CNBD1: variants seen among roughly 807,000 people sequenced by gnomAD.
CNBD1 encodes the protein cyclic nucleotide binding domain containing 1, also known as cyclic nucleotide-binding domain-containing protein 1.
In CNBD1, 71 loss-of-function variants were observed where a neutral mutation model predicts 54.4. The ratio of observed to expected loss-of-function variants is 1.30; its 90% CI spans 1.08 to 1.59. The LOEUF (loss-of-function observed/expected upper bound fraction) is 1.59, where lower values mean the gene tolerates loss of function less well. Among genes scored for constraint, CNBD1 ranks in the 40% most tolerant of loss-of-function variants. The pLI is 0.00. For synonymous variants in CNBD1, 182 were observed against 170.7 expected (o/e 1.07, Z -0.51); for missense variants, 659 against 518.0 (o/e 1.27, Z -2.64).
intron 5 of CNBD1, among the ~76,000 whole-genome samples, chr8:87,233,762 GC>G (rs1384933077): frequency 6.6e-6 from 1 of 152,092 alleles, no homozygotes; most frequent in Non-Finnish European, 1.5e-5. Flanking sequence ...ACAACACCAT[GC>G]CCAGTTTGGC....
intron 4 of CNBD1, among the ~76,000 whole-genome samples, chr8:87,000,384 T>G (rs936386018): frequency 6.6e-6 from 1 of 152,186 alleles, no homozygotes; most frequent in African/African-American, 2.4e-5. Context: ...TAAACCTATT[T>G]TCTTTATAAA....
intron 3 of CNBD1, among the ~76,000 whole-genome samples, chr8:86,924,048 A>G (rs922781603): frequency 6.6e-6 from 1 of 152,178 alleles, no homozygotes; most frequent in African/African-American, 2.4e-5. Context: ...CAAAGTTTGT[A>G]AATTTCAGGT....
intron 4 of CNBD1, among the ~76,000 whole-genome samples, chr8:87,148,923 C>CAAAAAAACA (rs1241364221): frequency 2.6e-5 from 4 of 152,140 alleles, no homozygotes; most frequent in Admixed American, 1.3e-4. Context: ...AAACAAAAAA[C>CAAAAAAACA]TCAGGCAATC....
At chr8:87,059,029 C>T (rs1172416863) in intron 4 of CNBD1, among the ~76,000 whole-genome samples, 5 of 152,156 alleles carry the variant, frequency 3.3e-5, no homozygotes, top group African/African-American at 1.2e-4. Context: ...TCATCTCTCT[C>T]AAGCTCAATG....
At chr8:87,296,378 GT>G (rs1228938276) in intron 8 of CNBD1, among the ~76,000 whole-genome samples, 1 of 152,118 alleles carries the variant, frequency 6.6e-6, no homozygotes, top group Non-Finnish European at 1.5e-5. Flanking sequence ...GAAGTAGTCA[GT>G]TAGGTATGTA....
At chr8:87,184,100 G>A (rs565582941) in intron 4 of CNBD1, among the ~76,000 whole-genome samples, 9 of 152,322 alleles carry the variant, frequency 5.9e-5, no homozygotes, top group Admixed American at 3.3e-4. Context: ...GGGGCTGCAC[G>A]CATGTGCTCA....
intron 6 of CNBD1, among the ~76,000 whole-genome samples, chr8:87,271,701 T>A (rs1386323625): frequency 6.6e-6 from 1 of 152,012 alleles, no homozygotes; most frequent in Non-Finnish European, 1.5e-5. Context: ...GTATAGAGGT[T>A]CCTCAGATAA....
At chr8:87,369,145 T>A (rs769866557) in intron 10 of CNBD1, among the ~76,000 whole-genome samples, 1 of 152,054 alleles carries the variant, frequency 6.6e-6, no homozygotes, top group Non-Finnish European at 1.5e-5. Flanking sequence ...TTGGCTAGAT[T>A]TTTGGCTAAA....
chr8:87,250,890 G>A (rs1245419141), intron 6 of CNBD1, among the ~76,000 whole-genome samples: 1 of 152,104 alleles, frequency 6.6e-6, no homozygotes, highest in Non-Finnish European at 1.5e-5. Flanking sequence ...TGGGATAGAG[G>A]AAGTAAGATG....
chr8:86,992,363 C>T (rs1451936420), intron 4 of CNBD1, among the ~76,000 whole-genome samples: 3 of 151,942 alleles, frequency 2.0e-5, no homozygotes, highest in African/African-American at 7.3e-5. Context: ...CTGTGAGTAT[C>T]ATTAAATATA....
intron 4 of CNBD1, among the ~76,000 whole-genome samples, chr8:86,979,084 A>C (rs1233376701): frequency 6.6e-6 from 1 of 152,130 alleles, no homozygotes; most frequent in African/African-American, 2.4e-5. Context: ...GACTTAAAAA[A>C]TTTACATTTT....
chr8:86,887,476 C>T (rs538597207), intron 1 of CNBD1, 66 bp from the exon 2 acceptor site: 9 of 987,844 alleles, frequency 9.1e-6, no homozygotes, highest in Non-Finnish European at 1.1e-5. Context: ...CAATTAAACT[C>T]TATTTACACA....
At chr8:86,932,627 A>G (rs902749039) in intron 3 of CNBD1, among the ~76,000 whole-genome samples, 4 of 152,130 alleles carry the variant, frequency 2.6e-5, no homozygotes, top group African/African-American at 9.7e-5. Flanking sequence ...GGAAAGCTGT[A>G]ATTTATACTT....
At chr8:87,278,574 T>A (rs1398618348) in intron 6 of CNBD1, among the ~76,000 whole-genome samples, 5 of 151,590 alleles carry the variant, frequency 3.3e-5, no homozygotes, top group African/African-American at 4.8e-5. Flanking sequence ...ACCATCTTTT[T>A]GAATGAAGGC....
At chr8:87,034,463 T>C (rs1809863592) in intron 4 of CNBD1, among the ~76,000 whole-genome samples, 1 of 152,232 alleles carries the variant, frequency 6.6e-6, no homozygotes. Flanking sequence ...TACACAATTA[T>C]TACAGTAGCA....
downstream of CNBD1, among the ~76,000 whole-genome samples, chr8:87,387,642 C>T (rs1223638393): frequency 2.0e-5 from 3 of 152,140 alleles, no homozygotes; most frequent in Non-Finnish European, 4.4e-5. Context: ...CTTAGACTCC[C>T]ACACAATCAT....
At chr8:87,049,898 C>T (rs1810277423) in intron 4 of CNBD1, among the ~76,000 whole-genome samples, 1 of 152,160 alleles carries the variant, frequency 6.6e-6, no homozygotes, top group Non-Finnish European at 1.5e-5. Flanking sequence ...GCACCTTTAG[C>T]CACCAAATCA....
intron 2 of CNBD1, among the ~76,000 whole-genome samples, chr8:87,412,259 T>G (rs568122159): frequency 3.9e-5 from 6 of 152,128 alleles, no homozygotes; most frequent in Admixed American, 2.6e-4. Flanking sequence ...ATATATCATG[T>G]GTTTTGGTAT....
At chr8:86,895,641 T>C (rs546837451) in intron 2 of CNBD1, among the ~76,000 whole-genome samples, 1 of 152,314 alleles carries the variant, frequency 6.6e-6, no homozygotes, top group South Asian at 2.1e-4. Flanking sequence ...TATTAGGCAT[T>C]CTAGTAAATG....
Sources: allele counts gnomAD v4.1 joint callset (sites outside exome capture counted in the v4.1 genomes callset), GRCh38; gene constraint gnomAD v4.1.1; transcripts MANE v1.5; gene names NCBI Gene and HGNC (gene_info 2026-07-23, HGNC 2026-07-21).